The following GMDS variants were observed in gnomAD, a reference collection of about 807,000 sequenced individuals.
The protein encoded by GMDS is GDP-mannose 4,6-dehydratase.
In GMDS, 20 loss-of-function variants were observed where a neutral mutation model predicts 49.9. The ratio of observed to expected loss-of-function variants is 0.40; its 90% CI spans 0.28 to 0.58. The LOEUF is 0.58. Among genes scored for constraint, GMDS ranks in the 20% least tolerant of loss-of-function variants. The probability of loss-of-function intolerance (pLI) is 0.42; values close to 1 mark genes in which losing one functional copy is unlikely to be tolerated. For missense variants in GMDS, 362 were observed against 481.4 expected (o/e 0.75, Z 2.32); for synonymous variants, 177 against 178.6 (o/e 0.99, Z 0.07).
chr6:2,197,888 C>T (rs968174679), intron 1 of GMDS, among the ~76,000 whole-genome samples: 5 of 152,164 alleles, frequency 3.3e-5, no homozygotes, highest in Admixed American at 3.3e-4. Flanking sequence ...TCATTCATTT[C>T]CTCAAGCTGT....
chr6:1,684,333 C>A (rs974422575), intron 9 of GMDS, among the ~76,000 whole-genome samples: 1 of 152,136 alleles, frequency 6.6e-6, no homozygotes, highest in Non-Finnish European at 1.5e-5. Flanking sequence ...CCAGATGAAC[C>A]GTGGGCTCAC....
chr6:2,224,490 T>C (rs1201603654), intron 1 of GMDS, among the ~76,000 whole-genome samples: 1 of 152,248 alleles, frequency 6.6e-6, no homozygotes, highest in African/African-American at 2.4e-5. Context: ...CAAATAAAGA[T>C]CTCAATGATG....
chr6:1,919,383 CCCTTTCTTTGAGAACTCTA>C (rs1251977347), intron 7 of GMDS, among the ~76,000 whole-genome samples: 1 of 152,206 alleles, frequency 6.6e-6, no homozygotes, highest in Non-Finnish European at 1.5e-5. Context: ...GTAATTTCAT[CCCTTTCTTTGAGAACTCTA>C]CTAATAATTT....
At chr6:1,650,002 T>G (rs1462332796) in intron 9 of GMDS, among the ~76,000 whole-genome samples, 4 of 152,204 alleles carry the variant, frequency 2.6e-5, no homozygotes, top group Non-Finnish European at 5.9e-5. Context: ...GAAAGTAACT[T>G]CCGAAGTGAT....
chr6:2,184,733 A>G (rs1778702745), intron 1 of GMDS, among the ~76,000 whole-genome samples: 1 of 152,236 alleles, frequency 6.6e-6, no homozygotes, highest in Non-Finnish European at 1.5e-5. Flanking sequence ...TTAAAAACAT[A>G]TAAAATACAA....
At chr6:1,979,514 TAAAC>T (rs1241454420) in intron 4 of GMDS, among the ~76,000 whole-genome samples, 4 of 151,798 alleles carry the variant, frequency 2.6e-5, no homozygotes, top group Non-Finnish European at 5.9e-5. Flanking sequence ...TGAAAAGAAA[TAAAC>T]AAAACCTCTG....
intron 7 of GMDS, among the ~76,000 whole-genome samples, chr6:1,746,710 TTTA>T (rs869107878): frequency 1.3e-5 from 2 of 152,186 alleles, no homozygotes; most frequent in African/African-American, 4.8e-5. Flanking sequence ...TATTTATTTA[TTTA>T]TTTTTTGAGA....
At chr6:1,848,254 G>A (rs1278201365) in intron 7 of GMDS, among the ~76,000 whole-genome samples, 1 of 152,100 alleles carries the variant, frequency 6.6e-6, no homozygotes, top group Non-Finnish European at 1.5e-5. Flanking sequence ...GCTCCGTTAT[G>A]TAGCCTCTGC....
At chr6:1,949,833 A>G (rs894488884) in intron 6 of GMDS, among the ~76,000 whole-genome samples, 1 of 152,202 alleles carries the variant, frequency 6.6e-6, no homozygotes, top group African/African-American at 2.4e-5. Context: ...ATAATGCTCT[A>G]CTGAACTCCA....
intron 7 of GMDS, among the ~76,000 whole-genome samples, chr6:1,792,145 C>T (rs1769568805): frequency 6.6e-6 from 1 of 152,004 alleles, no homozygotes; most frequent in Non-Finnish European, 1.5e-5. Flanking sequence ...TTATTAGTTT[C>T]TATATAAATA....
intron 1 of GMDS, among the ~76,000 whole-genome samples, chr6:2,126,388 A>C (rs2127511888): frequency 6.6e-6 from 1 of 152,298 alleles, no homozygotes; most frequent in African/African-American, 2.4e-5. Flanking sequence ...CAGGCTTTAA[A>C]TATCCCTTAG....
intron 4 of GMDS, among the ~76,000 whole-genome samples, chr6:2,005,639 C>A (rs1413121767): frequency 5.3e-5 from 8 of 152,150 alleles, no homozygotes; most frequent in Non-Finnish European, 1.2e-4. Flanking sequence ...TAATCCAGTA[C>A]AACCTACCCA....
chr6:2,243,843 CTTTTTTTTTT>C (rs68171156), intron 1 of GMDS, among the ~76,000 whole-genome samples: 26 of 58,150 alleles, frequency 4.5e-4, no homozygotes, highest in East Asian at 1.3e-3. Flanking sequence ...ACTTCTCCTT[CTTTTTTTTTT>C]TTTTTTTTTT....
intron 7 of GMDS, among the ~76,000 whole-genome samples, chr6:1,920,917 A>G (rs561735557): frequency 7.8e-4 from 119 of 152,288 alleles, no homozygotes; most frequent in African/African-American, 2.8e-3. Flanking sequence ...CTATTTTCCT[A>G]GGAGTTTTGC....
At chr6:1,632,355 T>A (rs186996836) in intron 9 of GMDS, among the ~76,000 whole-genome samples, 74 of 152,270 alleles carry the variant, frequency 4.9e-4, no homozygotes, top group Admixed American at 2.4e-3. Context: ...ACATATTGTA[T>A]GATTTGCTGT....
At chr6:2,064,702 G>C (rs1469603340) in intron 4 of GMDS, among the ~76,000 whole-genome samples, 1 of 152,166 alleles carries the variant, frequency 6.6e-6, no homozygotes, top group African/African-American at 2.4e-5. Context: ...GTTGAGGTGA[G>C]GGCAGCCTGG....
chr6:1,855,664 A>ACC (rs1757909153), intron 7 of GMDS, among the ~76,000 whole-genome samples: 1 of 152,244 alleles, frequency 6.6e-6, no homozygotes, highest in Non-Finnish European at 1.5e-5. Flanking sequence ...CCAAGTGATA[A>ACC]AAATGTTACT....
At chr6:2,118,143 A>G (rs975653673) in intron 2 of GMDS, among the ~76,000 whole-genome samples, 11 of 149,692 alleles carry the variant, frequency 7.3e-5, no homozygotes, top group African/African-American at 2.7e-4. Flanking sequence ...AGAAAACTCA[A>G]ACGAAGAGAG....
chr6:1,669,544 A>C (rs1377927079), intron 9 of GMDS, among the ~76,000 whole-genome samples: 1 of 152,244 alleles, frequency 6.6e-6, no homozygotes, highest in African/African-American at 2.4e-5. Context: ...GGGGGTGCTG[A>C]AAATGAGATC....
Sources: gnomAD v4.1 joint callset for allele counts (sites outside exome capture counted in the v4.1 genomes callset) on GRCh38, gnomAD v4.1.1 for gene constraint, MANE v1.5 for transcripts, NCBI Gene and HGNC (gene_info 2026-07-23, HGNC 2026-07-21) for gene names.